The following RARB variants were observed in gnomAD, a reference collection of about 807,000 sequenced individuals.
The protein encoded by RARB is retinoic acid receptor beta, also known as HBV-activated protein.
RARB carries 17 observed loss-of-function variants against 51.9 expected under a neutral mutation model. The observed-to-expected ratio is 0.33, with a 90% CI of 0.22 to 0.49. The LOEUF (loss-of-function observed/expected upper bound fraction) is 0.49, where lower values mean the gene tolerates loss of function less well. Ranked by LOEUF, RARB falls within the 20% of genes least tolerant of loss-of-function variation. The pLI is 0.99. For synonymous variants in RARB, 215 were observed against 195.4 expected, an observed-to-expected ratio of 1.10 and a Z score of -0.84; for missense variants, 369 against 550.8, an observed-to-expected ratio of 0.67 and a Z score of 3.30.
intron 2 of RARB, among the ~76,000 whole-genome samples, chr3:25,031,011 G>A (rs1603998): frequency 0.025 from 3,824 of 152,212 alleles, 147 homozygotes; most frequent in African/African-American, 0.084. Flanking sequence ...TTGCTTTCAT[G>A]GGCCACAGTA....
At chr3:24,947,557 T>A (rs1488566525) in intron 2 of RARB, among the ~76,000 whole-genome samples, 1 of 152,220 alleles carries the variant, frequency 6.6e-6, no homozygotes, top group African/African-American at 2.4e-5. Context: ...TCTTTTTTTA[T>A]GGAGTTCCAC....
chr3:25,087,769 G>A (rs971869652), intron 3 of RARB, among the ~76,000 whole-genome samples: 9 of 151,868 alleles, frequency 5.9e-5, no homozygotes, highest in African/African-American at 2.2e-4. Context: ...CTTGACAAAT[G>A]TTAGATCTTA....
intron 5 of RARB, among the ~76,000 whole-genome samples, chr3:25,236,302 A>G (rs1702299333): frequency 6.6e-6 from 1 of 152,218 alleles, no homozygotes; most frequent in South Asian, 2.1e-4. Flanking sequence ...AATTTTACTC[A>G]TCAACAGATT....
At chr3:25,513,293 G>A (rs1383476740) in intron 3 of RARB, among the ~76,000 whole-genome samples, 1 of 151,506 alleles carries the variant, frequency 6.6e-6, no homozygotes, top group African/African-American at 2.4e-5. Flanking sequence ...TCTCAAAGAA[G>A]AAAGAAAGAG....
At chr3:25,390,665 T>C (rs1706925698) in intron 5 of RARB, among the ~76,000 whole-genome samples, 1 of 152,172 alleles carries the variant, frequency 6.6e-6, no homozygotes, top group Non-Finnish European at 1.5e-5. Flanking sequence ...TATCCTATCA[T>C]ATTTATCAAG....
intron 3 of RARB, among the ~76,000 whole-genome samples, chr3:25,075,710 G>A (rs899186921): frequency 1.3e-5 from 2 of 151,362 alleles, no homozygotes; most frequent in Admixed American, 6.6e-5. Flanking sequence ...AAATGACTAT[G>A]ACATTTGTTG....
chr3:25,395,046 G>C (rs775223697), intron 5 of RARB, among the ~76,000 whole-genome samples: 3 of 152,120 alleles, frequency 2.0e-5, no homozygotes, highest in Non-Finnish European at 2.9e-5. Flanking sequence ...TGTATTTTGA[G>C]GTTTTGTTTC....
intron 5 of RARB, among the ~76,000 whole-genome samples, chr3:25,400,319 T>C (rs1707230404): frequency 6.6e-6 from 1 of 152,184 alleles, no homozygotes; most frequent in African/African-American, 2.4e-5. Flanking sequence ...TTATTATATG[T>C]ATAGATTTGG....
chr3:25,521,886 A>G (rs1204397237), intron 3 of RARB, among the ~76,000 whole-genome samples: 1 of 152,186 alleles, frequency 6.6e-6, no homozygotes, highest in Non-Finnish European at 1.5e-5. Context: ...ACATAATTAC[A>G]GTGAAACCTA....
At chr3:25,003,182 A>C (rs1417639332) in intron 2 of RARB, among the ~76,000 whole-genome samples, 1 of 150,680 alleles carries the variant, frequency 6.6e-6, no homozygotes, top group East Asian at 2.0e-4. Flanking sequence ...TCTAAGGCAA[A>C]AGATCATAAT....
chr3:25,103,771 G>T (rs1559467423), intron 3 of RARB, among the ~76,000 whole-genome samples: 1 of 152,200 alleles, frequency 6.6e-6, no homozygotes, highest in Non-Finnish European at 1.5e-5. Flanking sequence ...TATGAATGGG[G>T]TTCTTATTTT....
At chr3:25,169,226 G>A (rs1267230213) in intron 4 of RARB, among the ~76,000 whole-genome samples, 1 of 152,112 alleles carries the variant, frequency 6.6e-6, no homozygotes, top group African/African-American at 2.4e-5. Flanking sequence ...AAAAAAGCCA[G>A]TAAAGAAAGA....
chr3:25,461,992 A>G (rs1695210178), intron 2 of RARB, among the ~76,000 whole-genome samples: 1 of 152,202 alleles, frequency 6.6e-6, no homozygotes, highest in Non-Finnish European at 1.5e-5. Context: ...CTGTAGTTTT[A>G]TCTTATTTTT....
At chr3:24,928,409 G>A (rs1391669435) in intron 2 of RARB, among the ~76,000 whole-genome samples, 2 of 151,856 alleles carry the variant, frequency 1.3e-5, no homozygotes, top group East Asian at 1.9e-4. Context: ...GTGCACCATC[G>A]AACAAAGATG....
chr3:24,902,938 G>A (rs552995035), intron 2 of RARB, among the ~76,000 whole-genome samples: 6 of 152,184 alleles, frequency 3.9e-5, no homozygotes, highest in Admixed American at 2.0e-4. Context: ...ATATTCGTAA[G>A]GGTGTTTCTA....
chr3:25,173,654 G>T (rs1418560932), intron 4 of RARB, among the ~76,000 whole-genome samples: 3 of 152,066 alleles, frequency 2.0e-5, no homozygotes, highest in African/African-American at 7.2e-5. Flanking sequence ...CCCTAAAAAA[G>T]CAAGAAAAAA....
chr3:24,873,328 G>C (rs555480131), intron 2 of RARB, among the ~76,000 whole-genome samples: 21 of 151,904 alleles, frequency 1.4e-4, no homozygotes, highest in Non-Finnish European at 2.5e-4. Context: ...ATTTAACTTC[G>C]TTAATGGTTA....
chr3:25,166,439 A>C (rs1263006991), intron 4 of RARB, among the ~76,000 whole-genome samples: 1 of 148,562 alleles, frequency 6.7e-6, no homozygotes, highest in African/African-American at 2.4e-5. Context: ...CAATCTCTTA[A>C]ATAGGGAGGC....
At chr3:24,977,454 T>C (rs901951208) in intron 2 of RARB, among the ~76,000 whole-genome samples, 9 of 152,168 alleles carry the variant, frequency 5.9e-5, no homozygotes, top group Non-Finnish European at 1.3e-4. Flanking sequence ...TGGTTTGTAG[T>C]TCTCCTTGAA....
Sources: allele counts gnomAD v4.1 joint callset (sites outside exome capture counted in the v4.1 genomes callset), GRCh38; gene constraint gnomAD v4.1.1; transcripts MANE v1.5; gene names NCBI Gene and HGNC (gene_info 2026-07-23, HGNC 2026-07-21).